Variants in UBR4 observed in about 807,000 individuals in gnomAD.
The protein encoded by UBR4 is ubiquitin protein ligase E3 component n-recognin 4.
Under a neutral mutation model 575.6 loss-of-function variants are expected in UBR4, and 124 were observed. The ratio of observed to expected loss-of-function variants is 0.22; its 90% CI spans 0.19 to 0.25. The LOEUF (loss-of-function observed/expected upper bound fraction) is 0.25. UBR4 is among the 10% of genes least tolerant of loss of function. The pLI, the probability that UBR4 is intolerant of heterozygous loss-of-function variation, is 1.00. For synonymous variants in UBR4, 2,455 were observed against 2,473.7 expected (o/e 0.99, Z 0.22); for missense variants, 4,818 against 6,478.8 (o/e 0.74, Z 8.80).
chr1:19,168,991 A>G (rs1295186062), intron 27 of UBR4, among the ~76,000 whole-genome samples: 1 of 151,840 alleles, frequency 6.6e-6, no homozygotes, highest in East Asian at 1.9e-4. Context: ...AAAAAAAAAA[A>G]AGAAGACTCA....
In UBR4 at chr1:19,161,680, G is replaced by A. The variant is rs2087391286; in HGVS notation, c.5084C>T (p.Ala1695Val). ...VDGVGVCTVC[A>V]KVCHKDHEIS... ...CTCATGATCCTTGTGGCACACCTTA[G>A]CACACACTGTGCAGACACCCACGCC... The change falls in exon 37 of 106, where the codon GCT becomes GTT. Residue 1695 changes from alanine to valine, a missense_variant. Physicochemically the swap from Ala to Val is moderately conservative, Grantham distance 64. Coordinates refer to ENST00000375254, the MANE Select transcript of UBR4 (RefSeq NM_020765.3). 6.2e-7 allele frequency: 1 copy of A among 1,613,874 alleles called. No individual in the cohort carries two copies. The highest frequency in any genetic ancestry group is 1.3e-5 in the African/African-American group (1 of 74,930).
chr1:19,121,536 C>A, intron 67 of UBR4, 102 bp from the exon 68 acceptor site: 1 of 1,425,438 alleles, frequency 7.0e-7, no homozygotes, highest in Admixed American at 2.4e-5. Flanking sequence ...CCTGTTCTCA[C>A]CAGCTTTCTT....
At position 19,137,075 on chromosome 1, in the gene UBR4, G is replaced by A. The variant is rs557229280; in HGVS notation, c.8906+932C>T. ...GCACTTGGGGAGGTGGAGGTGAGTG[G>A]ATCACTTGAGCTCAGGAGTTCCAGA... On this transcript the variant is annotated intron_variant, in intron 60 of 105. Coordinates refer to ENST00000375254, the MANE Select transcript of UBR4 (RefSeq NM_020765.3). Among the ~76,000 whole-genome samples the A allele has an allele frequency of 4.0e-3, 602 of 152,114 alleles. 4 individuals carry two copies. Among genetic ancestry groups the A allele is most frequent in the African/African-American group, 0.013 (536 of 41,490 alleles).
At chr1:19,090,108 GCAC>G in intron 97 of UBR4, among the ~76,000 whole-genome samples, 1 of 152,250 alleles carries the variant, frequency 6.6e-6, no homozygotes, top group Non-Finnish European at 1.5e-5. Context: ...CATCTCAGTG[GCAC>G]CACCATTCAC....
rs754937588 is a variant in UBR4, at chr1:19,173,024, T to C, written c.3361A>G (p.Ile1121Val). ...QLHEIPSLQS[I>V]YTLDAAISKV... is the part of the protein sequence containing the mutation. ...GAGATCGCGGCATCAAGGGTGTAGA[T>C]GGACTGCAGACTGGGAATTTCATGC... The change falls in exon 25 of 106, where the codon ATC becomes GTC. Residue 1121 changes from isoleucine (I) to valine (V), a missense_variant. Transcript: ENST00000375254. 2 of 1,614,046 alleles carry C rather than the reference T, an allele frequency of 1.2e-6. No individual in the cohort carries two copies. The highest frequency in any genetic ancestry group is 2.2e-5 in the East Asian group (1 of 44,888).
intron 102 of UBR4, chr1:19,082,201 T>A: frequency 5.2e-6 from 1 of 191,210 alleles, no homozygotes; most frequent in Non-Finnish European, 1.1e-5. Context: ...CGTCCTAAGT[T>A]GCAATGATGA....
In UBR4 at chr1:19,157,456, A is replaced by G. The variant is rs1179228325; in HGVS notation, c.5760+359T>C. Among the ~76,000 whole-genome samples the G allele has an allele frequency of 6.6e-6, 1 of 152,242 alleles. No individual in the cohort carries two copies. The highest frequency in any genetic ancestry group is 1.5e-5 in the Non-Finnish European group (1 of 68,034). ...TACATAAGCAACACTGAGTGTTCCT[A>G]TGAAAACTTTTGTCTCTCAGCTTAT... On this transcript the variant is annotated intron_variant, in intron 40 of 105. Coordinates refer to ENST00000375254, the MANE Select transcript of UBR4 (RefSeq NM_020765.3). This position sits in a 1 kb window ranked among gnomAD's most constrained non-coding sequence, Gnocchi z 4.4.
Position 19,093,190 on chromosome 1 carries a change from G to A in UBR4, c.14111+123C>T, listed in dbSNP as rs1055571190. 14 of 1,286,828 alleles carry A rather than the reference G, an allele frequency of 1.1e-5. No homozygotes were observed. Among genetic ancestry groups the A allele is most frequent in the South Asian group, 4.3e-5 (3 of 70,426 alleles). 79.7% of individuals were successfully genotyped at this position (1,286,828 alleles called of 1,614,324 possible). On this transcript the variant is annotated intron_variant, in intron 96 of 105. Coordinates refer to ENST00000375254, the MANE Select transcript of UBR4 (RefSeq NM_020765.3). This position sits in a 1 kb window ranked among gnomAD's most constrained non-coding sequence, Gnocchi z 4.8. ...GGTCACCCACATAGTTTCCAGAAGC[G>A]GTTGGGAGGCCCCAAGGAGGGCAAG...
intron 104 of UBR4, among the ~76,000 whole-genome samples, chr1:19,077,336 C>T (rs148385329): frequency 8.4e-4 from 128 of 152,312 alleles, no homozygotes; most frequent in Non-Finnish European, 1.7e-3. Flanking sequence ...CAGAGCTTAT[C>T]CCAATAGCAC....
intron 28 of UBR4, among the ~76,000 whole-genome samples, chr1:19,167,786 C>T (rs981895108): frequency 1.1e-4 from 16 of 152,176 alleles, no homozygotes; most frequent in Admixed American, 3.3e-4. Context: ...TGCAATATGT[C>T]TTAAAGCCAG....
intron 75 of UBR4, among the ~76,000 whole-genome samples, 153 bp downstream of exon 75, chr1:19,114,658 C>G (rs1435304984): frequency 3.9e-5 from 6 of 152,208 alleles, no homozygotes; most frequent in Non-Finnish European, 8.8e-5. Flanking sequence ...TACCTCATGC[C>G]ATTCTTTGCT....
At chr1:19,209,636 G>T (rs1395854315) in intron 1 of UBR4, among the ~76,000 whole-genome samples, 1 of 152,188 alleles carries the variant, frequency 6.6e-6, no homozygotes, top group Non-Finnish European at 1.5e-5. Flanking sequence ...GAAATAGCAC[G>T]TGCCCCCACT....
intron 102 of UBR4, among the ~76,000 whole-genome samples, chr1:19,083,185 G>A (rs924968126): frequency 5.9e-5 from 9 of 152,116 alleles, no homozygotes; most frequent in African/African-American, 4.8e-5. Context: ...GAAGGTCTGC[G>A]CCATCAGTGC....
intron 92 of UBR4, among the ~76,000 whole-genome samples, chr1:19,096,095 T>G: frequency 6.8e-6 from 1 of 146,448 alleles, no homozygotes; most frequent in Non-Finnish European, 1.5e-5. Flanking sequence ...GGAGTGGGGG[T>G]GGGGAGTAGT....
chr1:19,126,376 G>A (rs2081794319), intron 64 of UBR4, 70 bp downstream of exon 64: 1 of 1,584,254 alleles, frequency 6.3e-7, no homozygotes, highest in Non-Finnish European at 8.7e-7. Flanking sequence ...TGAGCTCTCT[G>A]CACCGCGAGG....
chr1:19,163,226 A>C (rs2087695225), intron 34 of UBR4, among the ~76,000 whole-genome samples: 1 of 152,232 alleles, frequency 6.6e-6, no homozygotes, highest in Non-Finnish European at 1.5e-5. Flanking sequence ...GAATGGTACC[A>C]AAGTGGTTCT....
At chr1:19,147,131 T>G in intron 51 of UBR4, 131 bp from the exon 52 acceptor site, 1 of 934,618 alleles carries the variant, frequency 1.1e-6, no homozygotes, top group Middle Eastern at 3.5e-4. Context: ...TGAACACCAA[T>G]CACCTACAAC....
Position 19,197,728 on chromosome 1 carries a change from C to T in UBR4, c.835G>A (p.Ala279Thr). ...GCAGGCATTATGAAGAAGGAATTAG[C>T]TAAAACTGCATCTTGGAACCGATTG... ...YINRFQDAVL[A>T]NSFFIMPATV... Residue 279 changes from alanine (A) to threonine (T), a missense_variant, in exon 7 of 106, where the codon GCT becomes ACT. Physicochemically the swap from Ala to Thr is moderately conservative, Grantham distance 58. This residue lies in a region of UBR4 where 131 missense variants were observed against 214.5 expected (regional missense o/e 0.61). Coordinates refer to ENST00000375254, the MANE Select transcript of UBR4 (RefSeq NM_020765.3). 1 of 1,614,200 alleles carries T rather than the reference C, an allele frequency of 6.2e-7. No homozygotes were observed. The highest frequency in any genetic ancestry group is 1.1e-5 in the South Asian group (1 of 91,086).
intron 55 of UBR4, 49 bp downstream of exon 55, chr1:19,143,931 C>T: frequency 6.4e-7 from 1 of 1,561,214 alleles, no homozygotes; most frequent in Non-Finnish European, 8.8e-7. Context: ...CTCCCTCTCT[C>T]CCCTCCTCCC....
Sources: gnomAD v4.1 joint callset for allele counts (sites outside exome capture counted in the v4.1 genomes callset) on GRCh38, gnomAD v4.1.1 for gene constraint, gnomAD v4.1.1 regional missense constraint, Gnocchi (gnomAD v3.1) non-coding constraint, MANE v1.5 for transcripts, NCBI Gene and HGNC (gene_info 2026-07-23, HGNC 2026-07-21) for gene names.